OSBPL11: variants seen among roughly 807,000 people sequenced by gnomAD.
OSBPL11 encodes oxysterol binding protein like 11, also known as oxysterol-binding protein-related protein 11.
Under a neutral mutation model 84.4 loss-of-function variants are expected in OSBPL11, and 33 were observed. The ratio of observed to expected loss-of-function variants is 0.39; its 90% CI spans 0.30 to 0.52. The LOEUF is 0.52. Ranked by LOEUF, OSBPL11 falls within the 20% of genes least tolerant of loss-of-function variation. OSBPL11 has a pLI of 0.72. For missense variants in OSBPL11, 736 were observed against 901.1 expected, an observed-to-expected ratio of 0.82 and a Z score of 2.35; for synonymous variants, 276 against 310.2, an observed-to-expected ratio of 0.89 and a Z score of 1.16.
intron 1 of OSBPL11, among the ~76,000 whole-genome samples, chr3:125,587,379 A>G (rs112946512): frequency 6.6e-6 from 1 of 152,220 alleles, no homozygotes; most frequent in Non-Finnish European, 1.5e-5. Flanking sequence ...GCAGGACTAT[A>G]CAGGGAGATA....
intron 1 of OSBPL11, among the ~76,000 whole-genome samples, chr3:125,591,019 T>TC (rs764852938): frequency 6.6e-6 from 1 of 152,232 alleles, no homozygotes; most frequent in Non-Finnish European, 1.5e-5. Flanking sequence ...AATAATGCTG[T>TC]ATCTTCCTCC....
chr3:125,532,301 G>A (rs1296352940), intron 11 of OSBPL11, among the ~76,000 whole-genome samples: 2 of 152,154 alleles, frequency 1.3e-5, no homozygotes, highest in Non-Finnish European at 2.9e-5. Context: ...AGTAAAAAGA[G>A]AAGTAAATTT....
At chr3:125,583,310 G>A (rs1157625434) in intron 1 of OSBPL11, among the ~76,000 whole-genome samples, 2 of 152,060 alleles carry the variant, frequency 1.3e-5, no homozygotes, top group African/African-American at 4.8e-5. Context: ...GCCGGGCACA[G>A]TGGCTCGAAC....
chr3:125,545,589 T>A (rs1220087033), intron 10 of OSBPL11, among the ~76,000 whole-genome samples: 1 of 152,148 alleles, frequency 6.6e-6, no homozygotes, highest in Admixed American at 6.6e-5. Flanking sequence ...ATCTCTAGTA[T>A]GCAGTAAAGT....
chr3:125,574,303 G>A (rs543349908), intron 5 of OSBPL11, among the ~76,000 whole-genome samples: 183 of 149,394 alleles, frequency 1.2e-3, no homozygotes, highest in African/African-American at 4.2e-3. Flanking sequence ...ACTGAAGAAT[G>A]TCCTTGTAAA....
At chr3:125,576,167 C>G (rs1445932279) in intron 5 of OSBPL11, 22 bp downstream of exon 5, 1 of 1,583,372 alleles carries the variant, frequency 6.3e-7, no homozygotes, top group East Asian at 2.3e-5. Flanking sequence ...TGCATTTTAA[C>G]TTGACTTTAA....
chr3:125,588,443 G>GAGCCAATTCCTCAT (rs1936548275), intron 1 of OSBPL11, among the ~76,000 whole-genome samples: 2 of 152,130 alleles, frequency 1.3e-5, no homozygotes, highest in Non-Finnish European at 2.9e-5. Flanking sequence ...ACAGTCATAT[G>GAGCCAATTCCTCAT]AGCCAATTCC....
In OSBPL11 at chr3:125,534,460, A is replaced by C. The variant is rs531369710; in HGVS notation, c.2025-2446T>G. On this transcript the variant is annotated intron_variant, in intron 11 of 12. Transcript: ENST00000296220. ...ATTAAACAAACCTAAATAAAGAATT[A>C]AAATCATACAAAGTATATTCTTTCA... 2.0e-4 allele frequency among the ~76,000 whole-genome samples: 30 copies of C among 152,148 alleles called. No individual in the cohort carries two copies. In the Middle Eastern group the frequency reaches 0.014, roughly 69 times the overall value.
chr3:125,579,796 G>T (rs1936392459), intron 3 of OSBPL11, 69 bp downstream of exon 3: 5 of 1,388,080 alleles, frequency 3.6e-6, no homozygotes, highest in Non-Finnish European at 5.1e-6. Flanking sequence ...CCATATGAAA[G>T]CATGTAAGAC....
At chr3:125,586,000 G>A (rs1936504529) in intron 1 of OSBPL11, among the ~76,000 whole-genome samples, 1 of 152,156 alleles carries the variant, frequency 6.6e-6, no homozygotes, top group South Asian at 2.1e-4. Flanking sequence ...ACTTTGGGAG[G>A]CCAAGGTGGG....
rs1331033422 is a variant in OSBPL11, at chr3:125,567,471, G to A, written c.791C>T (p.Thr264Ile). The A allele has an allele frequency of 6.2e-7, 1 of 1,613,974 alleles. No individual in the cohort carries two copies. Among genetic ancestry groups the A allele is most frequent in the Non-Finnish European group, 8.5e-7 (1 of 1,179,988 alleles). Residue 264 changes from threonine to isoleucine, a missense_variant, in exon 6 of 13, where the codon ACT becomes ATT. This residue lies in a region of OSBPL11 where 579 missense variants were observed against 717.6 expected (regional missense o/e 0.81). Coordinates refer to ENST00000296220, the MANE Select transcript of OSBPL11 (RefSeq NM_022776.5). ...AAAGCAGTCATTTAAGCAGTTCATA[G>A]TTGCCATGGAAGTAGCTTTGAGCAT... ...LLMLKATSMA[T>I]MNCLNDCFHI...
intron 10 of OSBPL11, among the ~76,000 whole-genome samples, chr3:125,540,087 T>G (rs1445887156): frequency 6.6e-6 from 1 of 151,966 alleles, no homozygotes; most frequent in Non-Finnish European, 1.5e-5. Flanking sequence ...AATAAGCAAA[T>G]TATTTATAAA....
At chr3:125,567,317 AT>A in intron 6 of OSBPL11, 76 bp downstream of exon 6, 1 of 1,286,568 alleles carries the variant, frequency 7.8e-7, no homozygotes, top group Non-Finnish European at 1.1e-6. Flanking sequence ...ATTTTCTGAA[AT>A]TAGAATTACA....
chr3:125,530,525 G>A lies in OSBPL11; in HGVS notation c.2234C>T (p.Pro745Leu). Residue 745 changes from proline (P) to leucine (L), a missense_variant, in exon 13 of 13, where the codon CCA (proline) becomes CTA (leucine). Transcript: ENST00000296220. ...PLWKIIPTTQ[P>L]AE is the part of the protein sequence containing the mutation. ...TTTAGATAGTATGTGTCACTCTGCTGGTTGTGTTGTTGGAATTATTTTCCA... is the reference window on the plus strand; with the variant it reads ...TTTAGATAGTATGTGTCACTCTGCTAGTTGTGTTGTTGGAATTATTTTCCA... The A allele has an allele frequency of 1.2e-6, 2 of 1,613,624 alleles. No homozygotes were observed. Among genetic ancestry groups the A allele is most frequent in the Non-Finnish European group, 1.7e-6 (2 of 1,179,610 alleles).
At chr3:125,550,047 G>A (rs546391202) in intron 9 of OSBPL11, among the ~76,000 whole-genome samples, 48 of 152,080 alleles carry the variant, frequency 3.2e-4, no homozygotes, top group Non-Finnish European at 6.9e-4. Flanking sequence ...TATGATGGAG[G>A]GTAGCAAACT....
At chr3:125,533,209 T>C in intron 11 of OSBPL11, among the ~76,000 whole-genome samples, 1 of 132,340 alleles carries the variant, frequency 7.6e-6, no homozygotes, top group South Asian at 2.9e-4. Flanking sequence ...CCCTCCCTTC[T>C]CTCTCCCTCC....
At chr3:125,566,403 A>G (rs1936157821) in intron 6 of OSBPL11, among the ~76,000 whole-genome samples, 1 of 152,170 alleles carries the variant, frequency 6.6e-6, no homozygotes, top group Non-Finnish European at 1.5e-5. Flanking sequence ...GCCTTTCTCA[A>G]TAGTGCCCTA....
intron 1 of OSBPL11, among the ~76,000 whole-genome samples, chr3:125,591,128 G>C (rs536526019): frequency 6.6e-6 from 1 of 152,314 alleles, no homozygotes; most frequent in South Asian, 2.1e-4. Context: ...TCTGAGGACT[G>C]GCTAGATAAG....
Position 125,594,836 on chromosome 3 carries a change from G to C in OSBPL11, c.-36C>G. The C allele has an allele frequency of 1.2e-6, 2 of 1,603,944 alleles. No homozygotes were observed. Among genetic ancestry groups the C allele is most frequent in the Non-Finnish European group, 1.7e-6 (2 of 1,174,264 alleles). On this transcript the variant is annotated 5_prime_UTR_variant, in exon 1 of 13. Coordinates refer to ENST00000296220, the MANE Select transcript of OSBPL11 (RefSeq NM_022776.5). ...AAGTCCACTTGCCCTTCTTGAGCGG[G>C]AGAGAACAATTCTGTAGTTCTGTAG...
Sources: allele counts gnomAD v4.1 joint callset (sites outside exome capture counted in the v4.1 genomes callset), GRCh38; gene constraint gnomAD v4.1.1; regional missense constraint gnomAD v4.1.1; transcripts MANE v1.5; gene names NCBI Gene and HGNC (gene_info 2026-07-23, HGNC 2026-07-21).